Variants in GALNT2 observed in about 807,000 individuals in gnomAD.
GALNT2 encodes the protein polypeptide N-acetylgalactosaminyltransferase 2.
Under a neutral mutation model 81.4 loss-of-function variants are expected in GALNT2, and 31 were observed. That is an observed-to-expected ratio of 0.38 (90% confidence interval 0.29 to 0.51). The LOEUF (loss-of-function observed/expected upper bound fraction) is 0.51. GALNT2 is among the 20% of genes least tolerant of loss of function. The probability of loss-of-function intolerance (pLI) is 0.87; values close to 1 mark genes in which losing one functional copy is unlikely to be tolerated. For synonymous variants in GALNT2, 303 were observed against 287.4 expected (o/e 1.05, Z -0.55); for missense variants, 629 against 765.7 (o/e 0.82, Z 2.11).
intron 1 of GALNT2, among the ~76,000 whole-genome samples, chr1:230,139,120 G>C (rs12042234): frequency 0.097 from 14,779 of 152,226 alleles, 744 homozygotes; most frequent in Non-Finnish European, 0.11. Flanking sequence ...AAGAGCTTCT[G>C]GCTTTTTCTA....
intron 1 of GALNT2, among the ~76,000 whole-genome samples, chr1:230,156,316 C>T (rs978106679): frequency 1.3e-5 from 2 of 151,704 alleles, no homozygotes; most frequent in African/African-American, 4.9e-5. Context: ...AAACTCCTTG[C>T]ATTGTACATA....
At chr1:230,252,225 C>G (rs1665566006) in intron 10 of GALNT2, among the ~76,000 whole-genome samples, 1 of 152,176 alleles carries the variant, frequency 6.6e-6, no homozygotes, top group African/African-American at 2.4e-5. Flanking sequence ...CATTGCCAAC[C>G]TGAGGGGCCT....
rs540572196 is a variant in GALNT2, at chr1:230,079,614, A to G, written c.126+12208A>G. ...TTCCCTCTTGCTGACGCAGAGCTGC[A>G]GCTTCAGGCTTGGAAGGTGCTGATT... On this transcript the variant is annotated intron_variant, in intron 1 of 15. Transcript: ENST00000366672. Among the ~76,000 whole-genome samples the G allele has an allele frequency of 3.9e-5, 6 of 152,380 alleles. No individual in the cohort carries two copies. In the East Asian group the frequency reaches 7.7e-4, roughly 20 times the overall value.
intron 2 of GALNT2, among the ~76,000 whole-genome samples, chr1:230,191,755 C>G (rs1663533391): frequency 6.6e-6 from 1 of 152,232 alleles, no homozygotes; most frequent in Admixed American, 6.5e-5. Context: ...CCAAGTGATC[C>G]CTATTCCTTG....
At chr1:230,086,205 A>G (rs1232730391) in intron 1 of GALNT2, among the ~76,000 whole-genome samples, 1 of 152,204 alleles carries the variant, frequency 6.6e-6, no homozygotes, top group Non-Finnish European at 1.5e-5. Flanking sequence ...GTAGAGAATA[A>G]TACGAGCTCC....
intron 6 of GALNT2, among the ~76,000 whole-genome samples, chr1:230,242,727 A>G (rs1296684489): frequency 6.6e-6 from 1 of 152,166 alleles, no homozygotes; most frequent in African/African-American, 2.4e-5. Flanking sequence ...ATTTTGTGTC[A>G]TAATGAACGT....
intron 2 of GALNT2, among the ~76,000 whole-genome samples, chr1:230,192,967 C>G (rs1248733978): frequency 6.6e-6 from 1 of 152,180 alleles, no homozygotes; most frequent in Non-Finnish European, 1.5e-5. Flanking sequence ...GCCTTGTCCT[C>G]GTCTTTTCTT....
At chr1:230,148,015 T>G (rs1317639185) in intron 1 of GALNT2, among the ~76,000 whole-genome samples, 1 of 152,174 alleles carries the variant, frequency 6.6e-6, no homozygotes, top group Non-Finnish European at 1.5e-5. Context: ...CTCAGCAACC[T>G]CGAGGATAGT....
intron 1 of GALNT2, among the ~76,000 whole-genome samples, chr1:230,140,705 A>T (rs1474685330): frequency 6.6e-6 from 1 of 152,142 alleles, no homozygotes; most frequent in Non-Finnish European, 1.5e-5. Flanking sequence ...GTGTTTAGAG[A>T]TCATTCGAAC....
chr1:230,225,866 A>G (rs558802376), intron 3 of GALNT2, among the ~76,000 whole-genome samples: 1 of 152,318 alleles, frequency 6.6e-6, no homozygotes, highest in South Asian at 2.1e-4. Context: ...CCTTGCCTTC[A>G]GGGGCCTTTT....
intron 1 of GALNT2, among the ~76,000 whole-genome samples, chr1:230,136,744 A>G (rs953322555): frequency 6.6e-6 from 1 of 152,212 alleles, no homozygotes; most frequent in Non-Finnish European, 1.5e-5. Context: ...GTAGCTTCAC[A>G]GGGACTTGGA....
Position 230,132,594 on chromosome 1 carries a change from A to T in GALNT2, c.127-45624A>T, listed in dbSNP as rs568250016. Reference sequence around the variant, plus strand: ...GGACTGTACTAGAGAGGTGACATGCAGACTGTCTTGGAACTTGCTTGGGAA... The same window carrying T: ...GGACTGTACTAGAGAGGTGACATGCTGACTGTCTTGGAACTTGCTTGGGAA... On this transcript the variant is annotated intron_variant, in intron 1 of 15. Coordinates refer to ENST00000366672, the MANE Select transcript of GALNT2 (RefSeq NM_004481.5). Among the ~76,000 whole-genome samples the T allele has an allele frequency of 1.3e-3, 195 of 152,346 alleles. 1 individual carries two copies. Among genetic ancestry groups the T allele is most frequent in the Non-Finnish European group, 4.3e-4 (29 of 68,036 alleles).
At chr1:230,151,755 G>GC (rs1390504384) in intron 1 of GALNT2, among the ~76,000 whole-genome samples, 3 of 143,844 alleles carry the variant, frequency 2.1e-5, no homozygotes, top group Non-Finnish European at 4.5e-5. Context: ...AGAATTCAGA[G>GC]CAAGTCCGTA....
chr1:230,249,132 G>T, intron 8 of GALNT2, 52 bp from the exon 9 acceptor site: 6 of 1,497,228 alleles, frequency 4.0e-6, no homozygotes, highest in Non-Finnish European at 5.6e-6. Flanking sequence ...GGGGTGTCGG[G>T]AGGAAGTGGC....
Position 230,255,232 on chromosome 1 carries a change from G to C in GALNT2, c.1024G>C (p.Val342Leu). ...GGENLEISFRVWQCGGSLEII... is the reference protein window; with the variant it reads ...GGENLEISFRLWQCGGSLEII... ...CATCGTCTCAGAGATCTCGTTCCGCGTGTGGCAGTGTGGTGGCAGCCTGGA... is the reference window on the plus strand; with the variant it reads ...CATCGTCTCAGAGATCTCGTTCCGCCTGTGGCAGTGTGGTGGCAGCCTGGA... Residue 342 changes from valine (V) to leucine (L), a missense_variant, in exon 11 of 16, where the codon GTG (valine) becomes CTG (leucine). Around this residue, in one of 3 missense-constraint regions of GALNT2, gnomAD observed 360 missense variants for 492.8 expected, o/e 0.73. Transcript: ENST00000366672. 6.2e-7 allele frequency: 1 copy of C among 1,614,228 alleles called. No individual in the cohort carries two copies. Among genetic ancestry groups the C allele is most frequent in the Non-Finnish European group, 8.5e-7 (1 of 1,180,036 alleles).
chr1:230,136,529 C>A (rs1156722196), intron 1 of GALNT2, among the ~76,000 whole-genome samples: 1 of 152,186 alleles, frequency 6.6e-6, no homozygotes, highest in African/African-American at 2.4e-5. Context: ...CCCCTCACTG[C>A]CCCCCATCCA....
intron 3 of GALNT2, among the ~76,000 whole-genome samples, chr1:230,221,210 T>C (rs1664537140): frequency 6.6e-6 from 1 of 152,230 alleles, no homozygotes; most frequent in Admixed American, 6.5e-5. Flanking sequence ...AAATATTTTC[T>C]AGGACTGTTA....
At chr1:230,176,522 A>G (rs1426283301) in intron 1 of GALNT2, among the ~76,000 whole-genome samples, 5 of 152,218 alleles carry the variant, frequency 3.3e-5, no homozygotes, top group Admixed American at 2.0e-4. Context: ...CAATGCTACA[A>G]TCAAGCCTCA....
At chr1:230,152,459 A>C (rs34783939) in intron 1 of GALNT2, among the ~76,000 whole-genome samples, 28,145 of 152,220 alleles carry the variant, frequency 0.18, 2,731 homozygotes, top group Admixed American at 0.23. Flanking sequence ...GAATAATTAA[A>C]TAGAAAATAC....
Sources: gnomAD v4.1 joint callset for allele counts (sites outside exome capture counted in the v4.1 genomes callset) on GRCh38, gnomAD v4.1.1 for gene constraint, gnomAD v4.1.1 regional missense constraint, MANE v1.5 for transcripts, NCBI Gene and HGNC (gene_info 2026-07-23, HGNC 2026-07-21) for gene names.